The following SLC12A7 variants were observed in gnomAD, a reference collection of about 807,000 sequenced individuals.
The protein encoded by SLC12A7 is K-Cl cotransporter 4.
A neutral mutation model predicts 120.6 loss-of-function variants in SLC12A7; 100 were observed. The observed-to-expected ratio is 0.83, with a 90% CI of 0.71 to 0.98. SLC12A7 has a LOEUF of 0.98. Ranked by LOEUF, SLC12A7 falls within the 50% of genes least tolerant of loss-of-function variation. The pLI is 0.00. For synonymous variants in SLC12A7, 760 were observed against 678.0 expected (o/e 1.12, Z -1.88); for missense variants, 1,373 against 1,548.1 (o/e 0.89, Z 1.90).
intron 7 of SLC12A7, among the ~76,000 whole-genome samples, chr5:1,084,715 C>G (rs906256066): frequency 6.6e-6 from 1 of 152,148 alleles, no homozygotes; most frequent in Non-Finnish European, 1.5e-5. Flanking sequence ...CACGCAGAGA[C>G]GGCAAAACCG....
upstream of SLC12A7, among the ~76,000 whole-genome samples, chr5:1,112,871 TCC>T (rs70957329): frequency 0.013 from 1,477 of 112,038 alleles, 30 homozygotes; most frequent in Middle Eastern, 0.033. Flanking sequence ...GTAGAGGGAG[TCC>T]CCCCCCCCAC....
At chr5:1,060,092 G>C (rs1161279093) in intron 21 of SLC12A7, among the ~76,000 whole-genome samples, 3 of 152,206 alleles carry the variant, frequency 2.0e-5, no homozygotes, top group Non-Finnish European at 4.4e-5. Context: ...CATGCATCTG[G>C]CAGGCTGCCG....
rs148462588 is a variant in SLC12A7, at chr5:1,073,643, C to T, written c.2231G>A (p.Arg744Gln). Residue 744 changes from arginine to glutamine, a missense_variant, in exon 17 of 24, where the codon CGG becomes CAG. By Grantham distance (43) the Arg-to-Gln change is conservative. Transcript: ENST00000264930. ...CCCCGCCCGGCCCACCTCCTCGGCC[C>T]GCTGAGCCTCCATGTGCTTGTCCAG... ...TYLDKHMEAQ[R>Q]AEENIRSLMS... 777 of 1,603,028 alleles carry T rather than the reference C, an allele frequency of 4.8e-4. 1 individual carries two copies. Among genetic ancestry groups the T allele is most frequent in the Non-Finnish European group, 6.1e-4 (713 of 1,175,580 alleles).
upstream of SLC12A7, chr5:1,112,145 G>T: frequency 1.1e-6 from 1 of 938,264 alleles, no homozygotes; most frequent in Non-Finnish European, 1.4e-6. Context: ...GCGGCCCCAC[G>T]AAAAGTTGGC....
At chr5:1,126,642 C>G in the SLC12A7 span, among the ~76,000 whole-genome samples, 1 of 152,224 alleles carries the variant, frequency 6.6e-6, no homozygotes, top group Non-Finnish European at 1.5e-5. Context: ...TCCTCCCACT[C>G]TCTGCCCTCA....
the SLC12A7 span, among the ~76,000 whole-genome samples, chr5:1,118,849 T>C: frequency 2.6e-5 from 4 of 152,184 alleles, no homozygotes; most frequent in Admixed American, 6.5e-5. Context: ...TCCAAGGCTG[T>C]GGGAGGTGTG....
At chr5:1,125,896 GCC>G in the SLC12A7 span, among the ~76,000 whole-genome samples, 1 of 136,142 alleles carries the variant, frequency 7.3e-6, no homozygotes, top group African/African-American at 2.8e-5. Context: ...CTGCACTCTA[GCC>G]TGACAACAGT....
At position 1,097,882 on chromosome 5, in the gene SLC12A7, C is replaced by T. The variant is rs188041358; in HGVS notation, c.125-3634G>A. Among the ~76,000 whole-genome samples, 14 of 152,150 alleles carry T rather than the reference C, an allele frequency of 9.2e-5. No homozygotes were observed. In the East Asian group the frequency reaches 1.7e-3, roughly 19 times the overall value. ...TGAGAAGAGTGTCGCTTGGTCTCTA[C>T]GGAGGCCACAGCAAGCGTGCTCTCA... On this transcript the variant is annotated intron_variant, in intron 1 of 23. Coordinates refer to ENST00000264930, the MANE Select transcript of SLC12A7 (RefSeq NM_006598.3).
chr5:1,073,378 T>C (rs571539727), intron 17 of SLC12A7, among the ~76,000 whole-genome samples: 161 of 152,242 alleles, frequency 1.1e-3, no homozygotes, highest in African/African-American at 3.7e-3. Context: ...GGCTCACCCA[T>C]GGCGGGAGGA....
intron 1 of SLC12A7, among the ~76,000 whole-genome samples, chr5:1,098,978 G>A (rs1297591803): frequency 1.3e-5 from 2 of 151,916 alleles, no homozygotes; most frequent in Non-Finnish European, 2.9e-5. Context: ...CATGATGACC[G>A]GAAGGCTGAG....
intron 23 of SLC12A7, 24 bp downstream of exon 23, chr5:1,053,325 C>A (rs79151625): frequency 1.2e-6 from 2 of 1,610,618 alleles, no homozygotes; most frequent in African/African-American, 1.3e-5. Context: ...GCACGCTCAG[C>A]AGGCACACTG....
chr5:1,119,751 A>C, the SLC12A7 span, among the ~76,000 whole-genome samples: 1 of 152,246 alleles, frequency 6.6e-6, no homozygotes, highest in Admixed American at 6.5e-5. Context: ...CAGGGTGCAG[A>C]CCAGAACACG....
intron 3 of SLC12A7, among the ~76,000 whole-genome samples, chr5:1,092,212 G>T (rs570133738): frequency 2.0e-5 from 3 of 152,280 alleles, no homozygotes; most frequent in Non-Finnish European, 2.9e-5. Flanking sequence ...AGGAAGGAAA[G>T]AGACATCTTG....
the SLC12A7 span, among the ~76,000 whole-genome samples, chr5:1,118,571 C>T: frequency 1.3e-5 from 2 of 152,244 alleles, no homozygotes; most frequent in African/African-American, 2.4e-5. Context: ...CCGCCAAAGC[C>T]GTCCTTGGGC....
chr5:1,064,306 G>T, intron 18 of SLC12A7, 54 bp from the exon 19 acceptor site: 2 of 1,558,732 alleles, frequency 1.3e-6, no homozygotes, highest in Non-Finnish European at 1.7e-6. Flanking sequence ...TGCGGAAGGG[G>T]CCTCCCCGGG....
At chr5:1,144,227 G>A in the SLC12A7 span, among the ~76,000 whole-genome samples, 3 of 152,154 alleles carry the variant, frequency 2.0e-5, no homozygotes, top group Non-Finnish European at 4.4e-5. Flanking sequence ...CCGGCGCAGC[G>A]CCGGGTGGCG....
the SLC12A7 span, among the ~76,000 whole-genome samples, chr5:1,143,430 CG>C: frequency 1.3e-5 from 2 of 152,178 alleles, no homozygotes; most frequent in Admixed American, 1.3e-4. Flanking sequence ...TGTCCTCCCA[CG>C]GCCGCTCCTC....
rs1320251157 is a variant in SLC12A7, at chr5:1,073,689, A to G, written c.2185T>C (p.Ser729Pro). Residue 729 changes from serine (S) to proline (P), a missense_variant, in exon 17 of 24, where the codon TCG becomes CCG. By Grantham distance (74) the Ser-to-Pro change is moderately conservative. Coordinates refer to ENST00000264930, the MANE Select transcript of SLC12A7 (RefSeq NM_006598.3). ...KAGKGLTIVGSVLEGTYLDKH... is the reference protein window; with the variant it reads ...KAGKGLTIVGPVLEGTYLDKH... ...TCCAGGTACGTCCCCTCCAGCACCG[A>G]GCCCACGATGGTCAGGCCCTTGCCG... 1.3e-6 allele frequency: 2 copies of G among 1,587,988 alleles called. No individual in the cohort carries two copies. Among genetic ancestry groups the G allele is most frequent in the Non-Finnish European group, 8.6e-7 (1 of 1,166,836 alleles).
At chr5:1,129,297 C>T in the SLC12A7 span, among the ~76,000 whole-genome samples, 156 of 152,264 alleles carry the variant, frequency 1.0e-3, no homozygotes, top group Middle Eastern at 3.4e-3. Flanking sequence ...AAGTGAAAGT[C>T]GGAGGTGGGC....
Sources: allele counts gnomAD v4.1 joint callset (sites outside exome capture counted in the v4.1 genomes callset), GRCh38; gene constraint gnomAD v4.1.1; transcripts MANE v1.5; gene names NCBI Gene and HGNC (gene_info 2026-07-23, HGNC 2026-07-21).